FAM91A1: variants seen among roughly 807,000 people sequenced by gnomAD.
FAM91A1 encodes the protein family with sequence similarity 91 member A1, also known as protein FAM91A1.
A neutral mutation model predicts 113.5 loss-of-function variants in FAM91A1; 41 were observed. The ratio of observed to expected loss-of-function variants is 0.36; its 90% CI spans 0.28 to 0.47. FAM91A1 has a LOEUF of 0.47. Among genes scored for constraint, FAM91A1 ranks in the 20% least tolerant of loss-of-function variants. The pLI is 1.00. For missense variants in FAM91A1, 696 were observed against 1,001.2 expected, an observed-to-expected ratio of 0.70 and a Z score of 4.11; for synonymous variants, 307 against 347.9, an observed-to-expected ratio of 0.88 and a Z score of 1.31.
intron 1 of FAM91A1, among the ~76,000 whole-genome samples, chr8:123,772,461 A>G (rs1002027356): frequency 3.3e-5 from 5 of 152,220 alleles, no homozygotes; most frequent in African/African-American, 1.2e-4. Context: ...GATGCTACGA[A>G]GAGGATGGTA....
chr8:123,775,039 A>T, intron 2 of FAM91A1, 108 bp from the exon 3 acceptor site: 1 of 1,063,612 alleles, frequency 9.4e-7, no homozygotes. Context: ...TTCTCTTGTA[A>T]TTTACATACT....
chr8:123,777,329 AT>A lies in FAM91A1; in HGVS notation c.367+10del, dbSNP rs1815009870. On this transcript the variant is annotated splice_region_variant and intron_variant, in intron 4 of 23. Coordinates refer to ENST00000334705, the MANE Select transcript of FAM91A1 (RefSeq NM_144963.4). ...AATTTTACTGCTGCTGACTGTAAGT[AT>A]TTAATTGTGCTGAAGAAGGTAATGT... 1 of 1,611,210 alleles carries A rather than the reference AT, an allele frequency of 6.2e-7. No individual in the cohort carries two copies.
intron 11 of FAM91A1, 147 bp downstream of exon 11, chr8:123,785,888 G>A: frequency 3.9e-6 from 2 of 518,742 alleles, no homozygotes; most frequent in South Asian, 2.3e-5. Flanking sequence ...CGCGATCTCG[G>A]CTCACTGCAA....
chr8:123,784,477 T>A lies in FAM91A1; in HGVS notation c.711T>A (p.Pro237=), dbSNP rs181042659. Residue 237 remains proline, a synonymous_variant, in exon 9 of 24, where the codon CCT becomes CCA. Coordinates refer to ENST00000334705, the MANE Select transcript of FAM91A1 (RefSeq NM_144963.4). ...ISDDSCIAVP[P]LEGFVMNRVQ... ...CTCTTCTGTTTGTTTTAGTTCCACC[T>A]CTTGAAGGTTTTGTAATGAATCGAG... 2.3e-4 allele frequency: 366 copies of A among 1,600,982 alleles called. 2 individuals are homozygous for A. The African/African-American group carries it at 4.3e-3, about 19-fold the overall frequency.
In FAM91A1 at chr8:123,768,781, C is replaced by A; in HGVS notation, c.72+7C>A. 6.2e-7 allele frequency: 1 copy of A among 1,610,462 alleles called. No individual in the cohort carries two copies. The highest frequency in any genetic ancestry group is 2.2e-5 in the East Asian group (1 of 44,660). ...GCCGGCCAACGTGAGACAGGTACGG[C>A]CGGAACCTGGGACCGGGCCCCTGAC... is the stretch of plus-strand genomic sequence containing the variant. On this transcript the variant is annotated splice_region_variant and intron_variant, in intron 1 of 23. Transcript: ENST00000334705.
At chr8:123,800,603 A>G (rs889001184) in intron 18 of FAM91A1, among the ~76,000 whole-genome samples, 18 of 152,116 alleles carry the variant, frequency 1.2e-4, no homozygotes, top group African/African-American at 4.3e-4. Context: ...CACCACACTC[A>G]ATTTTAGAAC....
chr8:123,806,180 T>G lies in FAM91A1; in HGVS notation c.1983T>G (p.Ala661=), dbSNP rs1446707219. The G allele has an allele frequency of 1.2e-6, 2 of 1,613,396 alleles. No individual in the cohort carries two copies. Among genetic ancestry groups the G allele is most frequent in the African/African-American group, 2.7e-5 (2 of 74,918 alleles). ...GTGGATATGTCACCATGTTGAATGCTTCCAGCCAACTTGCAGATAGAAAAC... is the reference window on the plus strand; with the variant it reads ...GTGGATATGTCACCATGTTGAATGCGTCCAGCCAACTTGCAGATAGAAAAC... ...HLCGYVTMLN[A]SSQLADRKLS... The change falls in exon 20 of 24, where the codon GCT becomes GCG. Residue 661 remains alanine, a synonymous_variant. Transcript: ENST00000334705.
At chr8:123,792,741 TA>T (rs1271627985) in intron 15 of FAM91A1, among the ~76,000 whole-genome samples, 2 of 152,202 alleles carry the variant, frequency 1.3e-5, no homozygotes, top group Non-Finnish European at 2.9e-5. Context: ...GCCTGAGGGT[TA>T]AGACGTCCCT....
chr8:123,807,369 G>C (rs1183187225), intron 20 of FAM91A1, among the ~76,000 whole-genome samples: 1 of 151,490 alleles, frequency 6.6e-6, no homozygotes, highest in African/African-American at 2.4e-5. Flanking sequence ...GGCATGGCCA[G>C]GTACAGGCTC....
At chr8:123,773,324 A>G (rs553598696) in intron 1 of FAM91A1, among the ~76,000 whole-genome samples, 3 of 152,170 alleles carry the variant, frequency 2.0e-5, no homozygotes, top group Non-Finnish European at 4.4e-5. Flanking sequence ...GTCTAATTTC[A>G]CTTTATAGTG....
At chr8:123,810,521 A>G in intron 23 of FAM91A1, 170 bp downstream of exon 23, 2 of 724,324 alleles carry the variant, frequency 2.8e-6, no homozygotes, top group Non-Finnish European at 4.8e-6. Context: ...TGCACATTTC[A>G]CTCGCCAGGT....
Position 123,812,556 on chromosome 8 carries a change from GTTTTTC to G in FAM91A1, c.2370_2375del (p.Ser790_Ser792delinsArg). 3 of 1,594,810 alleles carry G rather than the reference GTTTTTC, an allele frequency of 1.9e-6. No homozygotes were observed. Among genetic ancestry groups the G allele is most frequent in the Non-Finnish European group, 1.7e-6 (2 of 1,173,936 alleles). ...ATATTGGATATTCACACAGAGCCCA[GTTTTTC>G]AAGTTTGCTTTCACAGTCATCGTGT... On this transcript the variant is annotated inframe_deletion, in exon 24 of 24. Transcript: ENST00000334705.
chr8:123,788,413 A>G (rs946733135), intron 14 of FAM91A1, among the ~76,000 whole-genome samples: 2 of 151,656 alleles, frequency 1.3e-5, no homozygotes, highest in Admixed American at 6.6e-5. Context: ...CTTTATGATG[A>G]ACTTTGTATT....
At chr8:123,795,390 CT>C (rs1444546143) in intron 15 of FAM91A1, among the ~76,000 whole-genome samples, 1 of 150,562 alleles carries the variant, frequency 6.6e-6, no homozygotes, top group Non-Finnish European at 1.5e-5. Context: ...CCCCGCCCCC[CT>C]GCCCTTTACA....
intron 1 of FAM91A1, among the ~76,000 whole-genome samples, chr8:123,772,668 C>G (rs905865681): frequency 6.6e-6 from 1 of 152,160 alleles, no homozygotes; most frequent in Non-Finnish European, 1.5e-5. Flanking sequence ...AGTTGAAAAT[C>G]CATGTATAAC....
At chr8:123,780,171 G>T (rs1234930126) in intron 7 of FAM91A1, 96 bp downstream of exon 7, 1 of 1,035,692 alleles carries the variant, frequency 9.7e-7, no homozygotes, top group African/African-American at 1.6e-5. Flanking sequence ...GGTACAAATA[G>T]TACTAGTTTC....
chr8:123,805,892 G>A (rs1190017220), intron 19 of FAM91A1, among the ~76,000 whole-genome samples, 188 bp from the exon 20 acceptor site: 3 of 152,132 alleles, frequency 2.0e-5, no homozygotes, highest in Non-Finnish European at 4.4e-5. Context: ...TTAGGCATGT[G>A]ATTTCAAGTA....
chr8:123,788,161 T>C (rs1169460897), intron 14 of FAM91A1: 1 of 978,936 alleles, frequency 1.0e-6, no homozygotes, highest in African/African-American at 1.8e-5. Flanking sequence ...ACAATATCCC[T>C]GGGTATCATA....
rs71289612 is a variant in FAM91A1, at chr8:123,796,461, C to CT, written c.1412-1612dup. ...TGGCTAAAAGGTAGGGAGTGAAGGG[C>CT]TTTTTTTTTTTTTTTTTGAGATGGA... On this transcript the variant is annotated intron_variant, in intron 15 of 23. Coordinates refer to ENST00000334705, the MANE Select transcript of FAM91A1 (RefSeq NM_144963.4). 1.4e-3 allele frequency among the ~76,000 whole-genome samples: 187 copies of CT among 129,004 alleles called. 2 individuals are homozygous for CT. The highest frequency in any genetic ancestry group is 0.012 in the Middle Eastern group (3 of 250). The allele number at this position is 129,004 out of a possible 152,430, so 84.6% of individuals were successfully genotyped here.
Sources: gnomAD v4.1 joint callset for allele counts (sites outside exome capture counted in the v4.1 genomes callset) on GRCh38, gnomAD v4.1.1 for gene constraint, MANE v1.5 for transcripts, NCBI Gene and HGNC (gene_info 2026-07-23, HGNC 2026-07-21) for gene names.